RAP1GDS1: variants seen among roughly 807,000 people sequenced by gnomAD.
The protein encoded by RAP1GDS1 is Rap1 GTPase-GDP dissociation stimulator 1.
A neutral mutation model predicts 71.1 loss-of-function variants in RAP1GDS1; 35 were observed. The observed-to-expected ratio is 0.49, with a 90% CI of 0.38 to 0.65. The LOEUF (loss-of-function observed/expected upper bound fraction) is 0.65, where lower values mean the gene tolerates loss of function less well. Among genes scored for constraint, RAP1GDS1 ranks in the 30% least tolerant of loss-of-function variants. The probability of loss-of-function intolerance (pLI) is 0.00; values close to 1 mark genes in which losing one functional copy is unlikely to be tolerated. For missense variants in RAP1GDS1, 663 were observed against 706.1 expected (o/e 0.94, Z 0.69); for synonymous variants, 229 against 243.1 (o/e 0.94, Z 0.54).
At chr4:98,278,460 T>G (rs1228041013) in intron 1 of RAP1GDS1, among the ~76,000 whole-genome samples, 1 of 152,218 alleles carries the variant, frequency 6.6e-6, no homozygotes, top group African/African-American at 2.4e-5. Flanking sequence ...ATTAAGAAGT[T>G]AATTGTGAAA....
At chr4:98,310,660 T>C (rs1180118977) in intron 2 of RAP1GDS1, among the ~76,000 whole-genome samples, 2 of 152,172 alleles carry the variant, frequency 1.3e-5, no homozygotes, top group Non-Finnish European at 2.9e-5. Context: ...ATATGCATGC[T>C]GATGTTCTTG....
At chr4:98,338,340 C>A (rs1734991850) in intron 2 of RAP1GDS1, among the ~76,000 whole-genome samples, 1 of 151,768 alleles carries the variant, frequency 6.6e-6, no homozygotes, top group African/African-American at 2.4e-5. Flanking sequence ...TAGCATATAC[C>A]CAAGTGCAAA....
intron 3 of RAP1GDS1, among the ~76,000 whole-genome samples, chr4:98,348,870 G>A (rs534113995): frequency 8.9e-4 from 135 of 152,088 alleles, no homozygotes; most frequent in African/African-American, 2.9e-3. Flanking sequence ...GATATTAGCC[G>A]TTTGTCAGAT....
At chr4:98,274,448 G>C (rs1723923734) in intron 1 of RAP1GDS1, among the ~76,000 whole-genome samples, 1 of 152,104 alleles carries the variant, frequency 6.6e-6, no homozygotes, top group Non-Finnish European at 1.5e-5. Context: ...TTTCCCTACT[G>C]GTTCAATGAT....
chr4:98,389,411 TTTAG>T (rs1183971783), intron 5 of RAP1GDS1, among the ~76,000 whole-genome samples: 1 of 152,134 alleles, frequency 6.6e-6, no homozygotes, highest in African/African-American at 2.4e-5. Context: ...TGATTATTGT[TTTAG>T]TTAGCATCAT....
At chr4:98,353,529 G>C (rs958017061) in intron 4 of RAP1GDS1, among the ~76,000 whole-genome samples, 2 of 152,034 alleles carry the variant, frequency 1.3e-5, no homozygotes, top group African/African-American at 4.8e-5. Context: ...TTATGATAAA[G>C]AAGTAGGAAA....
At chr4:98,377,233 AT>A (rs1251462156) in intron 4 of RAP1GDS1, among the ~76,000 whole-genome samples, 1 of 151,946 alleles carries the variant, frequency 6.6e-6, no homozygotes, top group Non-Finnish European at 1.5e-5. Context: ...GAGCTTTGCA[AT>A]TTAGGATGGG....
At chr4:98,378,315 G>A (rs185960239) in intron 4 of RAP1GDS1, among the ~76,000 whole-genome samples, 1 of 151,876 alleles carries the variant, frequency 6.6e-6, no homozygotes, top group Non-Finnish European at 1.5e-5. Flanking sequence ...CATAATGGAA[G>A]TTATGTTTGA....
In RAP1GDS1 at chr4:98,416,767, T is replaced by C. The variant is rs1306397871; in HGVS notation, c.786T>C (p.Val262=). ...AENDAIKLQL[V]EAGLVECLLE... Reference sequence around the variant, plus strand: ...TAGATGCTATTAAACTACAGCTGGTTGAAGCAGGCCTAGTAGAGTGTCTAC... The same window carrying C: ...TAGATGCTATTAAACTACAGCTGGTCGAAGCAGGCCTAGTAGAGTGTCTAC... Residue 262 remains valine, a synonymous_variant, in exon 8 of 15, where the codon GTT becomes GTC. Coordinates refer to ENST00000408927, the MANE Select transcript of RAP1GDS1 (RefSeq NM_001100427.2). 3 of 1,607,208 alleles carry C rather than the reference T, an allele frequency of 1.9e-6. No homozygotes were observed. In the South Asian group the frequency reaches 3.3e-5, roughly 18 times the overall value.
Position 98,379,071 on chromosome 4 carries a change from A to G in RAP1GDS1, c.416A>G (p.His139Arg). 1 of 1,609,174 alleles carries G rather than the reference A, an allele frequency of 6.2e-7. No homozygotes were observed. The highest frequency in any genetic ancestry group is 8.5e-7 in the Non-Finnish European group (1 of 1,177,220). ...QAGGAQIVID[H>R]LRSLCSITDP... ...GGTGGTGCACAGATTGTAATTGACC[A>G]TTTAAGGTCACTGTGCAGTATAACA... The change falls in exon 5 of 15, where the codon CAT becomes CGT. Residue 139 changes from histidine to arginine, a missense_variant. Transcript: ENST00000408927.
chr4:98,398,324 G>A (rs997777026), intron 6 of RAP1GDS1, among the ~76,000 whole-genome samples: 3 of 152,004 alleles, frequency 2.0e-5, no homozygotes, highest in Admixed American at 6.6e-5. Context: ...TGCCAAATAA[G>A]TATCACAGAA....
intron 6 of RAP1GDS1, among the ~76,000 whole-genome samples, chr4:98,392,710 AAAG>A (rs1286285501): frequency 6.6e-6 from 1 of 152,238 alleles, no homozygotes; most frequent in African/African-American, 2.4e-5. Flanking sequence ...CAAGAAAAAA[AAAG>A]AAATTTATTA....
intron 1 of RAP1GDS1, among the ~76,000 whole-genome samples, chr4:98,292,667 A>G (rs949606096): frequency 6.6e-6 from 1 of 152,100 alleles, no homozygotes; most frequent in African/African-American, 2.4e-5. Context: ...CAGTAGGTTT[A>G]TAATTGTTAC....
chr4:98,432,084 C>G (rs984049497), intron 12 of RAP1GDS1, among the ~76,000 whole-genome samples: 2 of 152,026 alleles, frequency 1.3e-5, no homozygotes, highest in African/African-American at 4.8e-5. Context: ...CCTCCCCGCT[C>G]CCCCCATCCC....
In RAP1GDS1 at chr4:98,359,730, C is replaced by A. The variant is rs77993520; in HGVS notation, c.361+7129C>A. On this transcript the variant is annotated intron_variant, in intron 4 of 14. Coordinates refer to ENST00000408927, the MANE Select transcript of RAP1GDS1 (RefSeq NM_001100427.2). ...CTTTGATATGTGGACAGGAAGGAGCCTCTGAAAGTAACTTGAAGAAATTGA... is the reference window on the plus strand; with the variant it reads ...CTTTGATATGTGGACAGGAAGGAGCATCTGAAAGTAACTTGAAGAAATTGA... 1.8e-4 allele frequency among the ~76,000 whole-genome samples: 27 copies of A among 152,248 alleles called. No homozygotes were observed. The East Asian group carries it at 4.8e-3, about 27-fold the overall frequency.
intron 7 of RAP1GDS1, among the ~76,000 whole-genome samples, chr4:98,408,100 A>ATT (rs1237057191): frequency 7.1e-6 from 1 of 141,018 alleles, no homozygotes; most frequent in Non-Finnish European, 1.5e-5. Context: ...TTATATATAT[A>ATT]TATATTTTTT....
intron 11 of RAP1GDS1, 59 bp downstream of exon 11, chr4:98,420,203 A>G: frequency 7.5e-7 from 1 of 1,339,770 alleles, no homozygotes; most frequent in Non-Finnish European, 9.8e-7. Flanking sequence ...ATGTGCCTCT[A>G]GTTGAAAAAG....
At chr4:98,424,796 C>CT (rs1280746187) in intron 12 of RAP1GDS1, among the ~76,000 whole-genome samples, 1 of 148,762 alleles carries the variant, frequency 6.7e-6, no homozygotes, top group Non-Finnish European at 1.5e-5. Flanking sequence ...ACAAAGAAAA[C>CT]TTTTGGAAAA....
At chr4:98,347,391 A>G (rs1008694223) in intron 3 of RAP1GDS1, among the ~76,000 whole-genome samples, 2 of 152,220 alleles carry the variant, frequency 1.3e-5, no homozygotes, top group African/African-American at 4.8e-5. Flanking sequence ...ATGTATTACT[A>G]CAGTCAAAGG....
Sources: gnomAD v4.1 joint callset for allele counts (sites outside exome capture counted in the v4.1 genomes callset) on GRCh38, gnomAD v4.1.1 for gene constraint, MANE v1.5 for transcripts, NCBI Gene and HGNC (gene_info 2026-07-23, HGNC 2026-07-21) for gene names.